CRISPLD1: variants seen among roughly 807,000 people sequenced by gnomAD.
CRISPLD1 encodes the protein cysteine-rich secretory protein LCCL domain-containing 1.
In CRISPLD1, 60 loss-of-function variants were observed where a neutral mutation model predicts 77.5. The ratio of observed to expected loss-of-function variants is 0.77; its 90% confidence interval spans 0.63 to 0.96. The LOEUF is 0.96. CRISPLD1 is among the 40% of genes least tolerant of loss of function. CRISPLD1 has a pLI of 0.00. For missense variants in CRISPLD1, 623 were observed against 615.8 expected, an observed-to-expected ratio of 1.01 and a Z score of -0.12; for synonymous variants, 195 against 200.1, an observed-to-expected ratio of 0.97 and a Z score of 0.22.
chr8:74,990,519 A>G (rs1050736794), intron 2 of CRISPLD1, among the ~76,000 whole-genome samples: 1 of 151,946 alleles, frequency 6.6e-6, no homozygotes, highest in African/African-American at 2.4e-5. Context: ...TTTGACTTTA[A>G]ATATCCTATG....
rs1427013873 is a variant in CRISPLD1 at position 75,012,939 on chromosome 8, G to C, written c.427G>C (p.Asp143His). ...ACAATCGTGGTATGATGAAGTGAAA[G>C]ACTTTAGCTACCCATATGAACATGA... ...HVQSWYDEVK[D>H]FSYPYEHECN... Residue 143 changes from aspartate to histidine, a missense_variant, in exon 4 of 15, where the codon GAC (aspartate) becomes CAC (histidine). Physicochemically the swap from Asp to His is moderately conservative, Grantham distance 81 (BLOSUM62 -1). Transcript: ENST00000262207. The C allele has an allele frequency of 1.9e-6, 3 of 1,612,824 alleles. No homozygotes were observed. Among genetic ancestry groups the C allele is most frequent in the Middle Eastern group, 1.7e-4 (1 of 6,050 alleles).
At chr8:74,990,259 C>T (rs568767970) in intron 2 of CRISPLD1, among the ~76,000 whole-genome samples, 9 of 151,380 alleles carry the variant, frequency 5.9e-5, no homozygotes, top group South Asian at 2.1e-4. Context: ...GTAACAAAAC[C>T]GCACTTATAC....
At chr8:74,995,763 A>G (rs753178114) in intron 2 of CRISPLD1, among the ~76,000 whole-genome samples, 15 of 151,758 alleles carry the variant, frequency 9.9e-5, no homozygotes, top group Non-Finnish European at 1.3e-4. Flanking sequence ...TTCTTTGCAT[A>G]ATTTTTTTGC....
rs539681509 is a variant in CRISPLD1 at position 75,028,732 on chromosome 8, A to G, written c.1321-655A>G. 3.9e-5 allele frequency among the ~76,000 whole-genome samples: 6 copies of G among 152,298 alleles called. No homozygotes were observed. The South Asian group carries it at 1.2e-3, about 32-fold the overall frequency. Reference sequence around the variant, plus strand: ...AATGTAATCATAGGACTTTCCTAGTATTTCATGTCAGACCATTCAAACTAA... The same window carrying G: ...AATGTAATCATAGGACTTTCCTAGTGTTTCATGTCAGACCATTCAAACTAA... On this transcript the variant is annotated intron_variant, in intron 13 of 14. Transcript: ENST00000262207.
Position 75,016,999 on chromosome 8 carries a change from A to G in CRISPLD1, c.930-48A>G, listed in dbSNP as rs563119196. On this transcript the variant is annotated intron_variant, in intron 8 of 14. Coordinates refer to ENST00000262207, the MANE Select transcript of CRISPLD1 (RefSeq NM_031461.6). ...AATATAATAAATATTTTTATTTTGTACTGACATTCAGAGAAACTAAATTTT... is the reference window on the plus strand; with the variant it reads ...AATATAATAAATATTTTTATTTTGTGCTGACATTCAGAGAAACTAAATTTT... 320 of 1,565,076 alleles carry G rather than the reference A, an allele frequency of 2.0e-4. 1 individual carries two copies. In the South Asian group the frequency reaches 3.4e-3, roughly 17 times the overall value.
At chr8:75,002,796 G>A (rs1324445193) in intron 2 of CRISPLD1, among the ~76,000 whole-genome samples, 1 of 152,154 alleles carries the variant, frequency 6.6e-6, no homozygotes, top group Non-Finnish European at 1.5e-5. Context: ...CTCAGTATGT[G>A]GAGCTATCTC....
At chr8:75,016,745 A>C (rs769228298) in intron 7 of CRISPLD1, 40 bp downstream of exon 7, 1 of 1,582,294 alleles carries the variant, frequency 6.3e-7, no homozygotes, top group Non-Finnish European at 8.6e-7. Context: ...TTCAAAGTAC[A>C]TAAATGGTAT....
chr8:75,019,704 T>C (rs1040535460), intron 10 of CRISPLD1, among the ~76,000 whole-genome samples, 166 bp from the exon 11 acceptor site: 11 of 152,174 alleles, frequency 7.2e-5, no homozygotes, highest in African/African-American at 2.4e-4. Context: ...GATGGTAATA[T>C]GGATTTAGCA....
rs924873396 is a variant in CRISPLD1 at position 75,033,958 on chromosome 8, TC to T, written c.*1719del. On this transcript the variant is annotated 3_prime_UTR_variant, in exon 15 of 15. Transcript: ENST00000262207. ...CTCTTTTTCTGGTCCTTACTGCTCCTCCCACAACAGGGAAGCCCGATCAGTT... is the reference window on the plus strand; with the variant it reads ...CTCTTTTTCTGGTCCTTACTGCTCCTCCACAACAGGGAAGCCCGATCAGTT... 1 of 152,056 alleles carries T rather than the reference TC, an allele frequency of 6.6e-6. No individual in the cohort carries two copies. The highest frequency in any genetic ancestry group is 1.5e-5 in the Non-Finnish European group (1 of 67,920). The allele number at this position is 152,056 out of a possible 1,614,324, so 9.4% of individuals were successfully genotyped here. A position where few individuals can be genotyped will look rare whatever the true frequency, so the allele number is the denominator to read the frequency against.
chr8:75,029,308 C>T, intron 13 of CRISPLD1, 79 bp from the exon 14 acceptor site: 1 of 1,417,044 alleles, frequency 7.1e-7, no homozygotes, highest in Non-Finnish European at 9.5e-7. Context: ...CGACTTCAGT[C>T]TATTAATAAT....
intron 2 of CRISPLD1, among the ~76,000 whole-genome samples, chr8:74,998,047 C>T (rs1331647496): frequency 6.6e-6 from 1 of 152,080 alleles, no homozygotes; most frequent in Non-Finnish European, 1.5e-5. Context: ...AGCATGTTTG[C>T]AGGTTGCTGG....
At chr8:75,025,316 A>G (rs1229542373) in intron 12 of CRISPLD1, among the ~76,000 whole-genome samples, 1 of 152,116 alleles carries the variant, frequency 6.6e-6, no homozygotes, top group Non-Finnish European at 1.5e-5. Flanking sequence ...CCCACATTAG[A>G]AAGCTTCCTA....
intron 2 of CRISPLD1, 36 bp from the exon 3 acceptor site, chr8:75,012,397 T>C (rs1304512458): frequency 8.1e-7 from 1 of 1,233,000 alleles, no homozygotes. Flanking sequence ...GTCCAAATGC[T>C]ACATGTGCAC....
intron 10 of CRISPLD1, 105 bp from the exon 11 acceptor site, chr8:75,019,764 GT>G: frequency 1.2e-6 from 1 of 826,956 alleles, no homozygotes; most frequent in Non-Finnish European, 2.0e-6. Context: ...TTTAGTAAGT[GT>G]TTAAAAAGAA....
chr8:74,992,518 T>C (rs1015182062), intron 2 of CRISPLD1, among the ~76,000 whole-genome samples: 2 of 152,214 alleles, frequency 1.3e-5, no homozygotes, highest in South Asian at 4.1e-4. Context: ...TGTGTCTAAG[T>C]GTAGAATGTA....
intron 3 of CRISPLD1, 123 bp from the exon 4 acceptor site, chr8:75,012,767 T>G: frequency 1.8e-6 from 2 of 1,119,620 alleles, no homozygotes; most frequent in Non-Finnish European, 2.5e-6. Flanking sequence ...GGCATAAAAA[T>G]TTAAGTTTAA....
At chr8:75,014,159 C>T in intron 5 of CRISPLD1, 57 bp downstream of exon 5, 7 of 1,054,074 alleles carry the variant, frequency 6.6e-6, no homozygotes, top group Middle Eastern at 4.1e-4. Context: ...AATGAAAATA[C>T]CTTTACGTTC....
intron 2 of CRISPLD1, among the ~76,000 whole-genome samples, chr8:74,988,479 C>A (rs1812527524): frequency 6.6e-6 from 1 of 152,058 alleles, no homozygotes; most frequent in Admixed American, 6.6e-5. Context: ...CAGGCTATAT[C>A]CAGACATTAT....
chr8:75,010,723 G>A (rs186136692), intron 2 of CRISPLD1, among the ~76,000 whole-genome samples: 1 of 151,666 alleles, frequency 6.6e-6, no homozygotes, highest in Non-Finnish European at 1.5e-5. Flanking sequence ...ATCCTGTCTT[G>A]CCTGGCTTCT....
Sources: gnomAD v4.1 joint callset for allele counts (sites outside exome capture counted in the v4.1 genomes callset) on GRCh38, gnomAD v4.1.1 for gene constraint, MANE v1.5 for transcripts, NCBI Gene and HGNC (gene_info 2026-07-23, HGNC 2026-07-21) for gene names.